Variants in NAALADL2 observed in about 807,000 individuals in gnomAD.
NAALADL2 encodes N-acetylated alpha-linked acidic dipeptidase like 2.
Under a neutral mutation model 87.2 loss-of-function variants are expected in NAALADL2, and 76 were observed. That is an observed-to-expected ratio of 0.87 (90% CI 0.72 to 1.05). NAALADL2 has a LOEUF of 1.05. Among genes scored for constraint, NAALADL2 ranks in the 50% least tolerant of loss-of-function variants. NAALADL2 has a pLI of 0.00. For missense variants in NAALADL2, 1,089 were observed against 945.8 expected, an observed-to-expected ratio of 1.15 and a Z score of -1.99; for synonymous variants, 354 against 331.0, an observed-to-expected ratio of 1.07 and a Z score of -0.75.
At chr3:175,697,661 A>C (rs1738026398) in intron 11 of NAALADL2, among the ~76,000 whole-genome samples, 1 of 151,204 alleles carries the variant, frequency 6.6e-6, no homozygotes. Context: ...ATACATTATG[A>C]TTGTCCCAAA....
intron 5 of NAALADL2, among the ~76,000 whole-genome samples, chr3:175,324,810 C>T (rs189733975): frequency 1.9e-4 from 29 of 152,264 alleles, no homozygotes; most frequent in African/African-American, 6.5e-4. Context: ...TTCTGGCTGT[C>T]TTAAGAGAAG....
At chr3:174,894,757 G>T (rs1731301382) in intron 1 of NAALADL2, among the ~76,000 whole-genome samples, 4 of 151,718 alleles carry the variant, frequency 2.6e-5, no homozygotes. Context: ...CTCAGCACAT[G>T]GATTATTCTC....
intron 1 of NAALADL2, among the ~76,000 whole-genome samples, chr3:174,475,125 T>C (rs1386082956): frequency 6.6e-6 from 1 of 151,108 alleles, no homozygotes; most frequent in Non-Finnish European, 1.5e-5. Flanking sequence ...AGGTCCCAAC[T>C]GGAAATAGTA....
At chr3:174,602,989 T>G (rs1390239211) in intron 2 of NAALADL2, among the ~76,000 whole-genome samples, 1 of 151,648 alleles carries the variant, frequency 6.6e-6, no homozygotes, top group East Asian at 1.9e-4. Context: ...TTGGTAATGA[T>G]GAATTTGTTA....
chr3:174,549,049 C>T (rs545388538), intron 1 of NAALADL2, among the ~76,000 whole-genome samples: 3 of 152,278 alleles, frequency 2.0e-5, no homozygotes, highest in African/African-American at 7.2e-5. Flanking sequence ...ACATGTTGCC[C>T]AGTGGGGCCT....
At chr3:174,632,605 G>C (rs1166174201) in intron 2 of NAALADL2, among the ~76,000 whole-genome samples, 1 of 151,986 alleles carries the variant, frequency 6.6e-6, no homozygotes, top group African/African-American at 2.4e-5. Flanking sequence ...ATTTCAGGAG[G>C]AAGAACAATA....
chr3:175,718,195 G>GCTTTTTTTTTTT, intron 11 of NAALADL2: 1 of 822,738 alleles, frequency 1.2e-6, no homozygotes, highest in Non-Finnish European at 1.7e-6. Flanking sequence ...AGGGCCTGTG[G>GCTTTTTTTTTTT]TTTTTTTTTT....
Position 175,255,604 on chromosome 3 carries a change from A to G in NAALADL2, c.820-807A>G, listed in dbSNP as rs139206691. Among the ~76,000 whole-genome samples, 15 of 152,332 alleles carry G rather than the reference A, an allele frequency of 9.8e-5. No individual in the cohort carries two copies. The East Asian group carries it at 1.9e-3, about 20-fold the overall frequency. On this transcript the variant is annotated intron_variant, in intron 3 of 13. Coordinates refer to ENST00000454872, the MANE Select transcript of NAALADL2 (RefSeq NM_207015.3). ...ATTACAGAGAGTAAAGCTAAAATCA[A>G]TCGTCTTGGCCCATAGGAATATATG...
intron 3 of NAALADL2, 51 bp from the exon 4 acceptor site, chr3:175,256,360 A>G (rs1459650782): frequency 3.2e-6 from 5 of 1,539,554 alleles, no homozygotes; most frequent in African/African-American, 1.4e-5. Flanking sequence ...ACAATTGGCT[A>G]TACTTCTTCC....
intron 2 of NAALADL2, among the ~76,000 whole-genome samples, chr3:175,207,217 G>A (rs9823267): frequency 0.44 from 67,023 of 151,780 alleles, 16,443 homozygotes; most frequent in Non-Finnish European, 0.55. Context: ...ATTTAAAGCA[G>A]ACTAGGTCTT....
rs535463205 is a variant in NAALADL2 at position 174,476,647 on chromosome 3, A to G, written c.-184+35615A>G. Among the ~76,000 whole-genome samples, 81 of 152,212 alleles carry G rather than the reference A, an allele frequency of 5.3e-4. 3 individuals are homozygous for G. The South Asian group carries it at 0.016, about 31-fold the overall frequency. ...CTATATAAACTTTGAAATACTGTAT[A>G]CATCTTTCATGTTATAGAAATGCTA... On this transcript the variant is annotated intron_variant, in intron 1 of 3. Transcript: ENST00000434257.
At chr3:174,521,266 A>G (rs776836794) in intron 1 of NAALADL2, among the ~76,000 whole-genome samples, 1 of 152,202 alleles carries the variant, frequency 6.6e-6, no homozygotes, top group Non-Finnish European at 1.5e-5. Context: ...GTGTCCATCA[A>G]CAGTTGCATG....
intron 2 of NAALADL2, among the ~76,000 whole-genome samples, chr3:175,128,984 G>C (rs367748151): frequency 6.6e-6 from 1 of 152,128 alleles, no homozygotes; most frequent in East Asian, 1.9e-4. Context: ...TGTCACCCAG[G>C]CTGGAATGCA....
chr3:175,609,831 A>G (rs979992704), intron 10 of NAALADL2, among the ~76,000 whole-genome samples: 2 of 152,076 alleles, frequency 1.3e-5, no homozygotes, highest in African/African-American at 4.8e-5. Flanking sequence ...TGCAGTTTTG[A>G]TGAGGAGTTT....
intron 1 of NAALADL2, among the ~76,000 whole-genome samples, chr3:174,897,909 C>T (rs1055331333): frequency 1.5e-5 from 2 of 137,316 alleles, no homozygotes; most frequent in East Asian, 2.0e-4. Flanking sequence ...GTCAGGAGAT[C>T]GAGACCATCC....
chr3:174,759,003 G>T (rs1170824875), intron 3 of NAALADL2, among the ~76,000 whole-genome samples: 2 of 152,144 alleles, frequency 1.3e-5, no homozygotes, highest in African/African-American at 2.4e-5. Flanking sequence ...AATTATGCCA[G>T]CAAACATTCT....
intron 2 of NAALADL2, among the ~76,000 whole-genome samples, chr3:175,189,806 A>G (rs1374228928): frequency 6.6e-6 from 1 of 152,176 alleles, no homozygotes; most frequent in East Asian, 1.9e-4. Context: ...ACAATTCTTG[A>G]TTTAAAATTA....
At chr3:174,897,028 A>G (rs1731627121) in intron 1 of NAALADL2, among the ~76,000 whole-genome samples, 1 of 152,220 alleles carries the variant, frequency 6.6e-6, no homozygotes, top group Non-Finnish European at 1.5e-5. Flanking sequence ...AAGTGGATTA[A>G]AGACTTAAAT....
intron 11 of NAALADL2, among the ~76,000 whole-genome samples, chr3:175,670,974 A>G (rs1280957048): frequency 1.3e-5 from 2 of 151,616 alleles, no homozygotes; most frequent in African/African-American, 4.8e-5. Flanking sequence ...TCTTCTGAGC[A>G]ACAAGTGACC....
Sources: gnomAD v4.1 joint callset for allele counts (sites outside exome capture counted in the v4.1 genomes callset) on GRCh38, gnomAD v4.1.1 for gene constraint, MANE v1.5 for transcripts, NCBI Gene and HGNC (gene_info 2026-07-23, HGNC 2026-07-21) for gene names.